CCDC178: variants seen among roughly 807,000 people sequenced by gnomAD.
CCDC178 encodes coiled-coil domain containing 178, also known as coiled-coil domain-containing protein 178.
A neutral mutation model predicts 117.4 loss-of-function variants in CCDC178; 126 were observed. The ratio of observed to expected loss-of-function variants is 1.07; its 90% CI spans 0.93 to 1.24. The LOEUF (loss-of-function observed/expected upper bound fraction) is 1.24. Among genes scored for constraint, CCDC178 ranks in the 50% most tolerant of loss-of-function variants. The probability of loss-of-function intolerance (pLI) is 0.00; values close to 1 mark genes in which losing one functional copy is unlikely to be tolerated. For synonymous variants in CCDC178, 283 were observed against 313.4 expected, an observed-to-expected ratio of 0.90 and a Z score of 1.02; for missense variants, 1,030 against 986.9, an observed-to-expected ratio of 1.04 and a Z score of -0.59.
intron 20 of CCDC178, among the ~76,000 whole-genome samples, chr18:33,167,609 A>G (rs2058548573): frequency 6.6e-6 from 1 of 151,982 alleles, no homozygotes; most frequent in Admixed American, 6.6e-5. Context: ...CACACCTCTA[A>G]TCCTAGCACT....
At chr18:33,233,069 G>T (rs1215581809) in intron 15 of CCDC178, among the ~76,000 whole-genome samples, 2 of 152,116 alleles carry the variant, frequency 1.3e-5, no homozygotes, top group Non-Finnish European at 2.9e-5. Flanking sequence ...ATGCAGCAGT[G>T]TATACAAAAT....
intron 11 of CCDC178, among the ~76,000 whole-genome samples, chr18:33,301,866 CT>C (rs1198979236): frequency 6.6e-6 from 1 of 152,118 alleles, no homozygotes; most frequent in Non-Finnish European, 1.5e-5. Context: ...GGACTTGATG[CT>C]GGAATGAGTT....
At chr18:33,392,285 G>A (rs1437687794) in intron 4 of CCDC178, among the ~76,000 whole-genome samples, 1 of 152,196 alleles carries the variant, frequency 6.6e-6, no homozygotes, top group Non-Finnish European at 1.5e-5. Flanking sequence ...AAGCTGCTGA[G>A]CTTCTGGCAT....
chr18:33,415,044 A>G (rs2063914866), intron 2 of CCDC178, among the ~76,000 whole-genome samples: 2 of 152,190 alleles, frequency 1.3e-5, no homozygotes, highest in Non-Finnish European at 2.9e-5. Context: ...TAAAAAGTCA[A>G]GAAACAATAG....
intron 20 of CCDC178, among the ~76,000 whole-genome samples, chr18:33,113,024 C>A (rs2057805032): frequency 6.6e-6 from 1 of 151,924 alleles, no homozygotes; most frequent in Non-Finnish European, 1.5e-5. Context: ...AGGTCATGGT[C>A]TTTGATTGAG....
At chr18:32,942,248 T>A (rs1200005716) in intron 22 of CCDC178, among the ~76,000 whole-genome samples, 3 of 152,126 alleles carry the variant, frequency 2.0e-5, no homozygotes, top group Non-Finnish European at 4.4e-5. Flanking sequence ...TCCTCTCACA[T>A]CAATTTCATT....
chr18:33,377,977 TA>T, intron 5 of CCDC178, among the ~76,000 whole-genome samples: 1 of 152,326 alleles, frequency 6.6e-6, no homozygotes, highest in African/African-American at 2.4e-5. Context: ...TCCAGTTCTG[TA>T]AAAAATGACA....
chr18:33,367,990 T>C (rs1471032474), intron 6 of CCDC178, among the ~76,000 whole-genome samples: 1 of 151,998 alleles, frequency 6.6e-6, no homozygotes, highest in East Asian at 1.9e-4. Context: ...ATTGTTATTG[T>C]GTGTTTCTTC....
At chr18:33,319,784 G>T (rs547580298) in intron 11 of CCDC178, among the ~76,000 whole-genome samples, 2 of 152,262 alleles carry the variant, frequency 1.3e-5, no homozygotes, top group African/African-American at 4.8e-5. Context: ...TTTCTCTGAT[G>T]GCCAGTGATG....
intron 20 of CCDC178, among the ~76,000 whole-genome samples, chr18:33,169,324 T>C (rs72945351): frequency 0.051 from 7,758 of 152,252 alleles, 300 homozygotes; most frequent in East Asian, 0.11. Context: ...GAAATCAGCC[T>C]GAGTAAATCA....
chr18:33,197,934 T>C (rs561371658), intron 20 of CCDC178, among the ~76,000 whole-genome samples: 13 of 152,340 alleles, frequency 8.5e-5, no homozygotes, highest in African/African-American at 3.1e-4. Flanking sequence ...CAATAGTTTA[T>C]ATATTCCATT....
intron 21 of CCDC178, among the ~76,000 whole-genome samples, chr18:33,025,974 C>T (rs2056220823): frequency 6.6e-6 from 1 of 152,026 alleles, no homozygotes; most frequent in Admixed American, 6.6e-5. Flanking sequence ...TCCAGATATC[C>T]TCCAACAAGT....
At chr18:33,178,991 T>G (rs2058695357) in intron 20 of CCDC178, among the ~76,000 whole-genome samples, 1 of 142,994 alleles carries the variant, frequency 7.0e-6, no homozygotes, top group Admixed American at 7.2e-5. Flanking sequence ...CAACAATATC[T>G]GGCATGTGTT....
chr18:33,108,264 A>C (rs1193575689), intron 20 of CCDC178, among the ~76,000 whole-genome samples: 1 of 151,572 alleles, frequency 6.6e-6, no homozygotes, highest in East Asian at 1.9e-4. Context: ...GTAAAGTGGC[A>C]TATGAAGTTT....
intron 9 of CCDC178, among the ~76,000 whole-genome samples, chr18:33,344,508 A>G (rs1227601423): frequency 2.0e-5 from 3 of 152,136 alleles, no homozygotes; most frequent in Non-Finnish European, 4.4e-5. Context: ...CGTATTTATT[A>G]AGTACCTATA....
intron 22 of CCDC178, chr18:32,958,273 G>T: frequency 4.5e-6 from 2 of 444,184 alleles, no homozygotes; most frequent in Non-Finnish European, 8.4e-6. Flanking sequence ...TGAGTTTGTG[G>T]CAAAAAATGC....
intron 5 of CCDC178, among the ~76,000 whole-genome samples, chr18:33,371,390 C>T (rs1406400748): frequency 2.0e-5 from 3 of 151,500 alleles, no homozygotes; most frequent in Non-Finnish European, 4.4e-5. Flanking sequence ...TTTTTAATCC[C>T]CACAACAATC....
intron 20 of CCDC178, 107 bp from the exon 21 acceptor site, chr18:33,093,017 G>T: frequency 1.5e-6 from 1 of 666,656 alleles, no homozygotes; most frequent in Non-Finnish European, 2.4e-6. Context: ...ATCTAAACAT[G>T]CTCTATTATG....
At chr18:33,095,939 G>A (rs1316801512) in intron 20 of CCDC178, among the ~76,000 whole-genome samples, 3 of 151,880 alleles carry the variant, frequency 2.0e-5, no homozygotes, top group African/African-American at 4.8e-5. Context: ...GAAGGTATGT[G>A]AACCTCATTA....
Sources: allele counts gnomAD v4.1 joint callset (sites outside exome capture counted in the v4.1 genomes callset), GRCh38; gene constraint gnomAD v4.1.1; transcripts MANE v1.5; gene names NCBI Gene and HGNC (gene_info 2026-07-23, HGNC 2026-07-21).